Variants in CDC42BPA observed in about 807,000 individuals in gnomAD.
The protein encoded by CDC42BPA is CDC42 binding protein kinase alpha.
CDC42BPA carries 80 observed loss-of-function variants against 223.5 expected under a neutral mutation model. The observed-to-expected ratio is 0.36, with a 90% confidence interval of 0.30 to 0.43. The LOEUF is 0.43. Among genes scored for constraint, CDC42BPA ranks in the 20% least tolerant of loss-of-function variants. CDC42BPA has a pLI of 1.00. For missense variants in CDC42BPA, 1,743 were observed against 2,099.9 expected, an observed-to-expected ratio of 0.83 and a Z score of 3.32; for synonymous variants, 694 against 718.6, an observed-to-expected ratio of 0.97 and a Z score of 0.55.
intron 2 of CDC42BPA, among the ~76,000 whole-genome samples, chr1:227,234,002 CTATT>C (rs747642821): frequency 4.0e-5 from 6 of 151,544 alleles, no homozygotes; most frequent in Admixed American, 6.6e-5. Flanking sequence ...GTAGAATTCT[CTATT>C]TATCTTTTAG....
At chr1:227,088,501 C>T (rs879554171) in intron 16 of CDC42BPA, among the ~76,000 whole-genome samples, 2 of 152,082 alleles carry the variant, frequency 1.3e-5, no homozygotes, top group African/African-American at 4.8e-5. Context: ...AAGGAACATA[C>T]AAAATTAAAA....
intron 21 of CDC42BPA, among the ~76,000 whole-genome samples, chr1:227,055,542 C>T (rs1268340819): frequency 6.6e-6 from 1 of 151,968 alleles, no homozygotes; most frequent in East Asian, 1.9e-4. Flanking sequence ...AGTATAGCAG[C>T]AAAGCAACTG....
chr1:227,095,324 A>G (rs1195590933), intron 15 of CDC42BPA, among the ~76,000 whole-genome samples: 1 of 152,202 alleles, frequency 6.6e-6, no homozygotes, highest in Non-Finnish European at 1.5e-5. Flanking sequence ...AGGTTAGGGA[A>G]AGAGGATATA....
chr1:227,217,136 CA>C (rs1206711483), intron 2 of CDC42BPA, among the ~76,000 whole-genome samples: 1 of 152,082 alleles, frequency 6.6e-6, no homozygotes, highest in African/African-American at 2.4e-5. Flanking sequence ...ATTCATTCAC[CA>C]TATCTCCTCT....
rs1244255457 is a variant in CDC42BPA at position 227,236,757 on chromosome 1, G to C, written c.270+17307C>G. Among the ~76,000 whole-genome samples the C allele has an allele frequency of 3.3e-5, 5 of 152,170 alleles. No homozygotes were observed. The East Asian group carries it at 9.6e-4, about 29-fold the overall frequency. On this transcript the variant is annotated intron_variant, in intron 2 of 36. Coordinates refer to ENST00000366766, the MANE Select transcript of CDC42BPA (RefSeq NM_001394014.1). ...TTCCAATGGAGTTAACCATGATCCC[G>C]ACTTTTGTGACAGAGGCATATCATA... is the stretch of plus-strand genomic sequence containing the variant.
intron 32 of CDC42BPA, among the ~76,000 whole-genome samples, chr1:227,017,356 C>G (rs947268591): frequency 6.6e-6 from 1 of 152,126 alleles, no homozygotes; most frequent in Non-Finnish European, 1.5e-5. Context: ...TCAGCCACCC[C>G]ACCCCAGTAT....
At chr1:227,249,678 A>C (rs942531514) in intron 2 of CDC42BPA, among the ~76,000 whole-genome samples, 3 of 152,246 alleles carry the variant, frequency 2.0e-5, no homozygotes, top group African/African-American at 7.2e-5. Context: ...TACGAATGGC[A>C]AACAGGCATA....
intron 21 of CDC42BPA, chr1:227,068,562 TA>T: frequency 2.6e-6 from 1 of 390,000 alleles, no homozygotes; most frequent in Non-Finnish European, 4.1e-6. Context: ...GTGGTATTTC[TA>T]AAACTGACTG....
At chr1:227,162,122 G>C (rs1664019724) in intron 5 of CDC42BPA, among the ~76,000 whole-genome samples, 1 of 152,062 alleles carries the variant, frequency 6.6e-6, no homozygotes, top group African/African-American at 2.4e-5. Flanking sequence ...TTCTTAGATT[G>C]TAAAGGAGAT....
In CDC42BPA at chr1:227,026,496, C is replaced by A. The variant is rs116353769; in HGVS notation, c.4433-344G>T. 6.0e-3 allele frequency among the ~76,000 whole-genome samples: 915 copies of A among 152,232 alleles called. 10 individuals are homozygous for A. Among genetic ancestry groups the A allele is most frequent in the African/African-American group, 0.021 (861 of 41,542 alleles). On this transcript the variant is annotated intron_variant, in intron 30 of 36. Coordinates refer to ENST00000366766, the MANE Select transcript of CDC42BPA (RefSeq NM_001394014.1). ...AGTAGTTAAGTTATTGACAGTGAAT[C>A]AAACTTAGAAAGCAGAGAAATCTTC... is the stretch of plus-strand genomic sequence containing the variant.
chr1:227,169,667 G>A (rs2149908616), intron 5 of CDC42BPA, among the ~76,000 whole-genome samples: 1 of 152,226 alleles, frequency 6.6e-6, no homozygotes, highest in East Asian at 1.9e-4. Context: ...TGTACACCAT[G>A]CCATTTTCAC....
chr1:227,196,691 C>T (rs1198327414), intron 4 of CDC42BPA, among the ~76,000 whole-genome samples: 1 of 152,158 alleles, frequency 6.6e-6, no homozygotes, highest in Non-Finnish European at 1.5e-5. Context: ...TCTGTCTTCA[C>T]AAATTGGATT....
chr1:227,138,888 G>C (rs1409286092), intron 10 of CDC42BPA, among the ~76,000 whole-genome samples: 1 of 152,146 alleles, frequency 6.6e-6, no homozygotes. Flanking sequence ...AACGAAAAAT[G>C]AGGGTATAAA....
At chr1:227,191,344 T>G (rs1669671999) in intron 5 of CDC42BPA, among the ~76,000 whole-genome samples, 1 of 53,460 alleles carries the variant, frequency 1.9e-5, no homozygotes, top group Admixed American at 1.5e-4. Flanking sequence ...AAACTCTGTC[T>G]CAAAAAAAAG....
intron 2 of CDC42BPA, among the ~76,000 whole-genome samples, chr1:227,214,226 CTT>C (rs755404885): frequency 1.8e-4 from 27 of 148,966 alleles, no homozygotes; most frequent in Non-Finnish European, 3.4e-4. Flanking sequence ...AAAAAAAAAA[CTT>C]AATAGCAAAT....
intron 1 of CDC42BPA, chr1:227,264,888 C>T (rs963639943): frequency 1.3e-6 from 2 of 1,493,030 alleles, no homozygotes; most frequent in African/African-American, 2.8e-5. Context: ...TTTTTCAATT[C>T]CTCTTCTGAA....
At position 227,160,185 on chromosome 1, in the gene CDC42BPA, G is replaced by A. The variant is rs543587240; in HGVS notation, c.693+358C>T. 2.5e-4 allele frequency among the ~76,000 whole-genome samples: 38 copies of A among 152,270 alleles called. No homozygotes were observed. The South Asian group carries it at 6.6e-3, about 27-fold the overall frequency. On this transcript the variant is annotated intron_variant, in intron 6 of 36. Transcript: ENST00000366766. The stretch of plus-strand genomic sequence containing the variant: ...GAAAGACAAAAAAGTAAAAGTGCGG[G>A]CAAAGCTGCGTTTTCTTTTTCTATG...
chr1:227,169,271 C>T (rs1665689898), intron 5 of CDC42BPA, among the ~76,000 whole-genome samples: 1 of 152,104 alleles, frequency 6.6e-6, no homozygotes, highest in South Asian at 2.1e-4. Context: ...TTCAGGGATA[C>T]TCTTTTCTCT....
chr1:227,135,157 G>A (rs1023116378), intron 10 of CDC42BPA, among the ~76,000 whole-genome samples: 1 of 152,180 alleles, frequency 6.6e-6, no homozygotes, highest in Non-Finnish European at 1.5e-5. Context: ...ATGCTGGAAA[G>A]AAAAACCACT....
Sources: gnomAD v4.1 joint callset for allele counts (sites outside exome capture counted in the v4.1 genomes callset) on GRCh38, gnomAD v4.1.1 for gene constraint, MANE v1.5 for transcripts, NCBI Gene and HGNC (gene_info 2026-07-23, HGNC 2026-07-21) for gene names.